The following SNTB1 variants were observed in gnomAD, a reference collection of about 807,000 sequenced individuals.
SNTB1 encodes syntrophin beta 1.
SNTB1 carries 36 observed loss-of-function variants against 48.9 expected under a neutral mutation model. The observed-to-expected ratio is 0.74, with a 90% CI of 0.56 to 0.97. The LOEUF (loss-of-function observed/expected upper bound fraction) is 0.97. Among genes scored for constraint, SNTB1 ranks in the 50% least tolerant of loss-of-function variants. The pLI is 0.00. For missense variants in SNTB1, 786 were observed against 703.4 expected (o/e 1.12, Z -1.33); for synonymous variants, 299 against 294.6 (o/e 1.01, Z -0.15).
intron 2 of SNTB1, among the ~76,000 whole-genome samples, chr8:120,684,782 G>C (rs1818000438): frequency 6.6e-6 from 1 of 151,838 alleles, no homozygotes; most frequent in Non-Finnish European, 1.5e-5. Flanking sequence ...AGCCTCCCGA[G>C]TAGCTGGGAT....
intron 1 of SNTB1, among the ~76,000 whole-genome samples, chr8:120,746,799 G>A (rs1332595415): frequency 1.3e-5 from 2 of 152,232 alleles, no homozygotes; most frequent in East Asian, 1.9e-4. Context: ...CCTATATTCA[G>A]GCTATAGACT....
chr8:120,811,542 T>C lies in SNTB1; in HGVS notation c.302A>G (p.Gln101Arg). 6.2e-7 allele frequency: 1 copy of C among 1,606,116 alleles called. No individual in the cohort carries two copies. Among genetic ancestry groups the C allele is most frequent in the Non-Finnish European group, 8.5e-7 (1 of 1,176,260 alleles). Residue 101 changes from glutamine (Q) to arginine (R), a missense_variant, in exon 1 of 7, where the codon CAG becomes CGG. Coordinates refer to ENST00000517992, the MANE Select transcript of SNTB1 (RefSeq NM_021021.4). ...CTGGTTCGAGATGGACTCGGGCACC[T>C]GCTCGGGCAGGTCGGTGAAAGCGGT... ...VRTAFTDLPE[Q>R]VPESISNQKR...
intron 4 of SNTB1, among the ~76,000 whole-genome samples, chr8:120,565,374 A>C (rs1325776266): frequency 6.6e-6 from 1 of 152,212 alleles, no homozygotes; most frequent in Admixed American, 6.5e-5. Flanking sequence ...TATTGGGCAC[A>C]TATTACTGAT....
chr8:120,567,416 C>CTTTT lies in SNTB1; in HGVS notation c.1136+7666_1136+7669dup, dbSNP rs10699484. On this transcript the variant is annotated intron_variant, in intron 4 of 6. Transcript: ENST00000517992. ...ACTACTTCATTACAGGGTTGAGCTC[C>CTTTT]TTTTTTTTTTTTTTTTTTAAAGAGA... Among the ~76,000 whole-genome samples, 1,023 of 134,668 alleles carry CTTTT rather than the reference C, an allele frequency of 7.6e-3. 18 individuals are homozygous for CTTTT. Among genetic ancestry groups the CTTTT allele is most frequent in the African/African-American group, 0.027 (981 of 36,042 alleles). 88.3% of individuals were successfully genotyped at this position (134,668 alleles called of 152,430 possible). A position where few individuals can be genotyped will look rare whatever the true frequency, so the allele number is the denominator to read the frequency against.
At chr8:120,709,895 T>C (rs1818436063) in intron 1 of SNTB1, among the ~76,000 whole-genome samples, 1 of 151,830 alleles carries the variant, frequency 6.6e-6, no homozygotes, top group Admixed American at 6.6e-5. Context: ...AGATGATATA[T>C]GTAAAGTGTC....
chr8:120,579,189 C>T (rs1374437235), intron 3 of SNTB1, among the ~76,000 whole-genome samples: 2 of 150,804 alleles, frequency 1.3e-5, no homozygotes, highest in Non-Finnish European at 2.9e-5. Flanking sequence ...AACAAACAAA[C>T]AAACAAACAA....
chr8:120,629,651 A>C (rs1388599639), intron 3 of SNTB1, among the ~76,000 whole-genome samples: 1 of 152,198 alleles, frequency 6.6e-6, no homozygotes, highest in East Asian at 1.9e-4. Flanking sequence ...TTCAGTATTA[A>C]ATATTTATTC....
chr8:120,539,198 A>AT (rs1229285230), intron 6 of SNTB1, among the ~76,000 whole-genome samples: 2 of 152,198 alleles, frequency 1.3e-5, no homozygotes, highest in Non-Finnish European at 2.9e-5. Flanking sequence ...AAATTTAGAT[A>AT]TACCAACACC....
chr8:120,794,492 TAC>T (rs60489007), intron 1 of SNTB1, among the ~76,000 whole-genome samples: 7 of 151,494 alleles, frequency 4.6e-5, no homozygotes, highest in Non-Finnish European at 1.0e-4. Context: ...TATATATATA[TAC>T]ACACACACAC....
intron 2 of SNTB1, among the ~76,000 whole-genome samples, chr8:120,639,480 T>A (rs1349731431): frequency 1.3e-5 from 2 of 152,214 alleles, no homozygotes; most frequent in African/African-American, 2.4e-5. Context: ...TGCTATTGCC[T>A]AGGTTTTCTT....
chr8:120,616,607 A>G lies in SNTB1; in HGVS notation c.996+15837T>C, dbSNP rs866542453. ...GCTGGGATTGCAGGCATAAGCCACC[A>G]TGCCAGGCCTAGCTTGATTTTTGCA... is the stretch of plus-strand genomic sequence containing the variant. On this transcript the variant is annotated intron_variant, in intron 3 of 6. Coordinates refer to ENST00000517992, the MANE Select transcript of SNTB1 (RefSeq NM_021021.4). Among the ~76,000 whole-genome samples the G allele has an allele frequency of 3.8e-4, 57 of 151,924 alleles. No individual in the cohort carries two copies. The Middle Eastern group carries it at 0.017, about 46-fold the overall frequency.
At chr8:120,802,853 G>T (rs1320799941) in intron 1 of SNTB1, among the ~76,000 whole-genome samples, 1 of 152,044 alleles carries the variant, frequency 6.6e-6, no homozygotes, top group African/African-American at 2.4e-5. Flanking sequence ...AACCTACAAA[G>T]AGGAAAGTTA....
At position 120,572,775 on chromosome 8, in the gene SNTB1, C is replaced by T. The variant is rs139231063; in HGVS notation, c.1136+2311G>A. ...AACAAACAAACAAAAATTAGCCGGG[C>T]GTGGTGGTGGGCGCCTATAATCCCA... is the stretch of plus-strand genomic sequence containing the variant. On this transcript the variant is annotated intron_variant, in intron 4 of 6. Coordinates refer to ENST00000517992, the MANE Select transcript of SNTB1 (RefSeq NM_021021.4). Among the ~76,000 whole-genome samples the T allele has an allele frequency of 8.2e-3, 1,166 of 143,062 alleles. 16 individuals are homozygous for T. The highest frequency in any genetic ancestry group is 0.026 in the African/African-American group (1,072 of 40,744). The allele number at this position is 143,062 out of a possible 152,430, so 93.9% of individuals were successfully genotyped here. A position where few individuals can be genotyped will look rare whatever the true frequency, so the allele number is the denominator to read the frequency against.
chr8:120,645,411 TAA>T (rs1269745347), intron 2 of SNTB1, among the ~76,000 whole-genome samples: 1 of 150,010 alleles, frequency 6.7e-6, no homozygotes, highest in Non-Finnish European at 1.5e-5. Context: ...CACCATTTAT[TAA>T]ATAGGGAATC....
intron 3 of SNTB1, among the ~76,000 whole-genome samples, chr8:120,603,261 G>A (rs913252504): frequency 3.9e-5 from 6 of 152,094 alleles, no homozygotes; most frequent in South Asian, 2.1e-4. Context: ...CACCATGCCC[G>A]GGTAATTTTT....
At chr8:120,614,976 T>TAA (rs61318757) in intron 3 of SNTB1, among the ~76,000 whole-genome samples, 10 of 73,262 alleles carry the variant, frequency 1.4e-4, no homozygotes, top group African/African-American at 5.2e-4. Flanking sequence ...TCACCTCTAC[T>TAA]AAAAAAAAAA....
intron 1 of SNTB1, among the ~76,000 whole-genome samples, chr8:120,770,081 A>C (rs1313570501): frequency 6.6e-6 from 1 of 152,198 alleles, no homozygotes; most frequent in East Asian, 1.9e-4. Flanking sequence ...AAACATTTGT[A>C]TGCATCCTAG....
At chr8:120,540,725 G>A (rs1815272125) in intron 6 of SNTB1, among the ~76,000 whole-genome samples, 1 of 152,138 alleles carries the variant, frequency 6.6e-6, no homozygotes, top group Admixed American at 6.5e-5. Flanking sequence ...AAAATGCTTG[G>A]CTAGAAATAA....
chr8:120,775,194 G>A (rs1819710213), intron 1 of SNTB1: 1 of 152,178 alleles, frequency 6.6e-6, no homozygotes, highest in Non-Finnish European at 1.5e-5. Context: ...GGGGAGAAGG[G>A]AGATGCTTGC....
Sources: gnomAD v4.1 joint callset for allele counts (sites outside exome capture counted in the v4.1 genomes callset) on GRCh38, gnomAD v4.1.1 for gene constraint, MANE v1.5 for transcripts, NCBI Gene and HGNC (gene_info 2026-07-23, HGNC 2026-07-21) for gene names.